Variants in DAB1 observed in about 807,000 individuals in gnomAD.
DAB1 encodes DAB adaptor protein 1.
Under a neutral mutation model 64.6 loss-of-function variants are expected in DAB1, and 15 were observed. The ratio of observed to expected loss-of-function variants is 0.23; its 90% CI spans 0.16 to 0.36. The LOEUF is 0.36. Among genes scored for constraint, DAB1 ranks in the 10% least tolerant of loss-of-function variants. DAB1 has a pLI of 1.00. For synonymous variants in DAB1, 235 were observed against 251.9 expected (o/e 0.93, Z 0.64); for missense variants, 596 against 706.7 (o/e 0.84, Z 1.78).
At chr1:57,269,721 C>G (rs1399478182) in intron 2 of DAB1, among the ~76,000 whole-genome samples, 2 of 152,058 alleles carry the variant, frequency 1.3e-5, no homozygotes, top group Admixed American at 6.6e-5. Context: ...CTTTTTCTCC[C>G]GAGAATATTT....
At chr1:57,519,158 G>C (rs1341692964) in intron 7 of DAB1, among the ~76,000 whole-genome samples, 1 of 152,150 alleles carries the variant, frequency 6.6e-6, no homozygotes, top group East Asian at 1.9e-4. Flanking sequence ...CAGCAAACTA[G>C]TGCCAGCCTC....
In DAB1 at chr1:57,452,030, G is replaced by A. The variant is rs534276701; in HGVS notation, n.626-160864C>T. Among the ~76,000 whole-genome samples the A allele has an allele frequency of 2.0e-4, 30 of 152,008 alleles. No homozygotes were observed. In the East Asian group the frequency reaches 2.1e-3, roughly 11 times the overall value. ...AGCCACCTCAGGAAGTTTGAAAGAC[G>A]GCATATTCTTCCAGAGTATCATCCC... On this transcript the variant is annotated intron_variant and non_coding_transcript_variant, in intron 7 of 20. Transcript: ENST00000485760.
chr1:58,150,161 C>T (rs1450802535), intron 5 of DAB1, among the ~76,000 whole-genome samples: 6 of 152,132 alleles, frequency 3.9e-5, no homozygotes, highest in African/African-American at 1.4e-4. Flanking sequence ...GGCTAATAAA[C>T]TTACTCATAC....
chr1:57,331,794 C>G (rs72674850), intron 1 of DAB1, among the ~76,000 whole-genome samples: 8 of 152,110 alleles, frequency 5.3e-5, no homozygotes, highest in Non-Finnish European at 1.2e-4. Flanking sequence ...TGACTTGGCA[C>G]TGAGATGAGA....
intron 5 of DAB1, among the ~76,000 whole-genome samples, chr1:58,038,854 A>G (rs1368787096): frequency 6.6e-6 from 1 of 152,214 alleles, no homozygotes; most frequent in Non-Finnish European, 1.5e-5. Flanking sequence ...TGTGCTATGA[A>G]TAATATCAAA....
intron 4 of DAB1, among the ~76,000 whole-genome samples, chr1:57,130,381 C>A (rs2100779077): frequency 6.6e-6 from 1 of 152,118 alleles, no homozygotes; most frequent in East Asian, 1.9e-4. Flanking sequence ...CTTTAAACTA[C>A]CTTATGACCC....
At chr1:57,560,912 G>T (rs369488581) in intron 7 of DAB1, among the ~76,000 whole-genome samples, 1 of 152,126 alleles carries the variant, frequency 6.6e-6, no homozygotes, top group Non-Finnish European at 1.5e-5. Flanking sequence ...GAAACTGAAC[G>T]TTTGACTACG....
At chr1:57,823,427 A>G (rs1251432768), downstream of DAB1, among the ~76,000 whole-genome samples, 1 of 152,100 alleles carries the variant, frequency 6.6e-6, no homozygotes, top group African/African-American at 2.4e-5. Flanking sequence ...GGCACACCGG[A>G]CCCCATAAAT....
chr1:57,121,676 G>A (rs980390213), intron 4 of DAB1, among the ~76,000 whole-genome samples: 7 of 152,022 alleles, frequency 4.6e-5, no homozygotes, highest in African/African-American at 1.7e-4. Flanking sequence ...TTCTTCTAGG[G>A]TTTTTACGGT....
Position 58,059,337 on chromosome 1 carries a change from T to C in DAB1, n.387+91174A>G, listed in dbSNP as rs113015483. On this transcript the variant is annotated intron_variant and non_coding_transcript_variant, in intron 5 of 20. Coordinates refer to the DAB1 transcript ENST00000485760. ...CCATGTACCTCAGTTTCTTCATCCA[T>C]AAAATGGCAACACAAATGACTGTTA... is the stretch of plus-strand genomic sequence containing the variant. Among the ~76,000 whole-genome samples, 114 of 152,288 alleles carry C rather than the reference T, an allele frequency of 7.5e-4. 1 individual carries two copies. The highest frequency in any genetic ancestry group is 2.5e-3 in the African/African-American group (104 of 41,566).
intron 2 of DAB1, among the ~76,000 whole-genome samples, chr1:57,246,252 ACCT>A (rs1305895915): frequency 1.5e-3 from 224 of 152,266 alleles, no homozygotes; most frequent in African/African-American, 5.3e-3. Context: ...ATGGGCAAGA[ACCT>A]ACCACCCGCT....
intron 5 of DAB1, among the ~76,000 whole-genome samples, chr1:58,129,844 T>C (rs557201404): frequency 3.3e-5 from 5 of 151,014 alleles, no homozygotes; most frequent in Non-Finnish European, 7.4e-5. Context: ...ATTTCTGTTC[T>C]TTTACATTTG....
At chr1:58,083,439 C>A (rs1650119298) in intron 5 of DAB1, among the ~76,000 whole-genome samples, 1 of 152,202 alleles carries the variant, frequency 6.6e-6, no homozygotes, top group Non-Finnish European at 1.5e-5. Flanking sequence ...CCGCACAATG[C>A]CCAGTGTGCG....
rs548937423 is a variant in DAB1, at chr1:57,910,588, G to A, written n.388-26426C>T. Among the ~76,000 whole-genome samples the A allele has an allele frequency of 2.7e-4, 41 of 152,310 alleles. No homozygotes were observed. In the East Asian group the frequency reaches 7.5e-3, roughly 28 times the overall value. ...CCAAGTGTTAGGGAAAGGTCAGGGG[G>A]AAGTTTTTAGACAGGAGCCTGGAGC... On this transcript the variant is annotated intron_variant and non_coding_transcript_variant, in intron 5 of 20. Coordinates refer to the DAB1 transcript ENST00000485760.
intron 7 of DAB1, among the ~76,000 whole-genome samples, chr1:57,452,615 C>T (rs527600783): frequency 1.3e-3 from 198 of 152,142 alleles, no homozygotes; most frequent in Non-Finnish European, 2.5e-3. Flanking sequence ...GTGGGGGGCG[C>T]GGGGTGGTCC....
At chr1:57,446,790 G>A (rs1298318779) in intron 7 of DAB1, among the ~76,000 whole-genome samples, 3 of 152,222 alleles carry the variant, frequency 2.0e-5, no homozygotes, top group East Asian at 1.9e-4. Flanking sequence ...GAGTTTGGCA[G>A]GAAGGAGAAC....
upstream of DAB1, among the ~76,000 whole-genome samples, chr1:57,426,874 A>ATATATATTTTT (rs57970737): frequency 4.0e-5 from 6 of 149,184 alleles, no homozygotes; most frequent in African/African-American, 7.4e-5. Context: ...ATATATATAT[A>ATATATATTTTT]TTTTTTTGAG....
intron 1 of DAB1, among the ~76,000 whole-genome samples, chr1:58,532,215 T>A (rs1342261288): frequency 1.3e-5 from 2 of 152,164 alleles, no homozygotes; most frequent in African/African-American, 4.8e-5. Flanking sequence ...AGAGAAAATA[T>A]TGTGCTGACA....
intron 5 of DAB1, among the ~76,000 whole-genome samples, chr1:57,921,787 A>G (rs1285912183): frequency 6.6e-6 from 1 of 152,048 alleles, no homozygotes; most frequent in Non-Finnish European, 1.5e-5. Flanking sequence ...AAAATTGCCC[A>G]GTAGCTTTTT....
Sources: allele counts gnomAD v4.1 joint callset (sites outside exome capture counted in the v4.1 genomes callset), GRCh38; gene constraint gnomAD v4.1.1; transcripts MANE v1.5; gene names NCBI Gene and HGNC (gene_info 2026-07-23, HGNC 2026-07-21).